The following TPCN2 variants were observed in gnomAD, a reference collection of about 807,000 sequenced individuals.
TPCN2 encodes two pore channel protein 2.
Under a neutral mutation model 111.4 loss-of-function variants are expected in TPCN2, and 92 were observed. The ratio of observed to expected loss-of-function variants is 0.83; its 90% CI spans 0.70 to 0.98. The LOEUF is 0.98. Ranked by LOEUF, TPCN2 falls within the 50% of genes least tolerant of loss-of-function variation. The probability of loss-of-function intolerance (pLI) is 0.00; values close to 1 mark genes in which losing one functional copy is unlikely to be tolerated. For missense variants in TPCN2, 995 were observed against 980.1 expected, an observed-to-expected ratio of 1.02 and a Z score of -0.20; for synonymous variants, 405 against 414.5, an observed-to-expected ratio of 0.98 and a Z score of 0.28.
intron 2 of TPCN2, 114 bp from the exon 3 acceptor site, chr11:69,054,607 C>A (rs893648266): frequency 1.6e-4 from 154 of 982,294 alleles, no homozygotes; most frequent in Non-Finnish European, 1.4e-4. Context: ...GCTGAAGCGT[C>A]CCCTGTGATC....
At chr11:69,086,424 C>A in intron 22 of TPCN2, 99 bp from the exon 23 acceptor site, 1 of 975,932 alleles carries the variant, frequency 1.0e-6, no homozygotes, top group Non-Finnish European at 1.7e-6. Context: ...TGTGGGCCGG[C>A]TGCCCGAGAG....
chr11:69,072,265 C>T (rs1855570597), intron 11 of TPCN2, among the ~76,000 whole-genome samples: 1 of 152,210 alleles, frequency 6.6e-6, no homozygotes, highest in African/African-American at 2.4e-5. Flanking sequence ...GCCGAGTGGC[C>T]CGGCCTTCTT....
intron 24 of TPCN2, 26 bp from the exon 25 acceptor site, chr11:69,087,849 G>GGGGCC (rs764114264): frequency 6.3e-7 from 1 of 1,599,500 alleles, no homozygotes; most frequent in South Asian, 1.1e-5. Context: ...AGAGGCCCCT[G>GGGGCC]TGTGCATCTT....
chr11:69,082,639 T>C (rs112693588), intron 18 of TPCN2, among the ~76,000 whole-genome samples: 1 of 147,538 alleles, frequency 6.8e-6, no homozygotes, highest in African/African-American at 2.5e-5. Flanking sequence ...TGATCGTGTG[T>C]GCACACATCG....
intron 16 of TPCN2, 22 bp from the exon 17 acceptor site, chr11:69,079,812 T>G: frequency 6.2e-7 from 1 of 1,612,726 alleles, no homozygotes; most frequent in Non-Finnish European, 8.5e-7. Flanking sequence ...TAGCGAAGCC[T>G]TCTTTTCTTT....
chr11:69,078,841 G>C (rs1225040430), intron 15 of TPCN2, 48 bp downstream of exon 15: 14 of 1,614,100 alleles, frequency 8.7e-6, no homozygotes, highest in Non-Finnish European at 9.3e-6. Flanking sequence ...AGGCTGGGCA[G>C]TGCTGGCAGC....
rs1329140838 is a variant in TPCN2, at chr11:69,085,757, G to C, written c.1920+5G>C. The C allele has an allele frequency of 7.4e-6, 12 of 1,613,900 alleles. No homozygotes were observed. Among genetic ancestry groups the C allele is most frequent in the African/African-American group, 1.3e-5 (1 of 74,926 alleles). On this transcript the variant is annotated splice_donor_5th_base_variant and intron_variant, in intron 21 of 24. Transcript: ENST00000294309. ...AACAACTTCGATGACTTTGCGGTGAGCCCTGCGCCCTGTCCCAGCACCCTG... is the reference window on the plus strand; with the variant it reads ...AACAACTTCGATGACTTTGCGGTGACCCCTGCGCCCTGTCCCAGCACCCTG...
In TPCN2 at chr11:69,089,804, G is replaced by A. The variant is rs1006024418; in HGVS notation, c.*1851G>A. 3 of 152,268 alleles carry A rather than the reference G, an allele frequency of 2.0e-5. No individual in the cohort carries two copies. The highest frequency in any genetic ancestry group is 4.4e-5 in the Non-Finnish European group (3 of 68,098). 9.4% of individuals were successfully genotyped at this position (152,268 alleles called of 1,614,324 possible). A position where few individuals can be genotyped will look rare whatever the true frequency, so the allele number is the denominator to read the frequency against. ...TTTCCTTCCTTCCTTGCTCCCACCTGTGTGGATCCTGGTCCCTTCTTGTAT... is the reference window on the plus strand; with the variant it reads ...TTTCCTTCCTTCCTTGCTCCCACCTATGTGGATCCTGGTCCCTTCTTGTAT... On this transcript the variant is annotated 3_prime_UTR_variant, in exon 25 of 25. Coordinates refer to ENST00000294309, the MANE Select transcript of TPCN2 (RefSeq NM_139075.4).
intron 9 of TPCN2, 78 bp downstream of exon 9, chr11:69,070,573 C>T (rs1265845217): frequency 1.4e-5 from 15 of 1,070,992 alleles, no homozygotes; most frequent in African/African-American, 9.7e-5. Context: ...GCTGCCTCCA[C>T]GACCTGAAAC....
chr11:69,054,126 G>C lies in TPCN2; in HGVS notation c.174+29G>C, dbSNP rs756465050. On this transcript the variant is annotated intron_variant, in intron 2 of 24. Transcript: ENST00000294309. ...GGTGGCACCTGCTCCCTGTGGCCGG[G>C]CCTGGGGGGTGGCCGCCCTCCGATT... 34 of 1,601,258 alleles carry C rather than the reference G, an allele frequency of 2.1e-5. No individual in the cohort carries two copies. In the Admixed American group the frequency reaches 4.8e-4, roughly 23 times the overall value.
intron 18 of TPCN2, among the ~76,000 whole-genome samples, chr11:69,082,360 A>G (rs561037719): frequency 3.3e-4 from 51 of 152,386 alleles, no homozygotes; most frequent in African/African-American, 1.2e-3. Context: ...ATGATCATAC[A>G]CAGTCACACA....
intron 11 of TPCN2, 83 bp downstream of exon 11, chr11:69,072,106 T>G (rs1450570351): frequency 8.3e-7 from 1 of 1,206,742 alleles, no homozygotes; most frequent in Non-Finnish European, 1.2e-6. Flanking sequence ...ATTAGGGGCT[T>G]CTTGTGCTTG....
In TPCN2 at chr11:69,060,529, T is replaced by A. The variant is rs1854974331; in HGVS notation, c.547-2355T>A. Among the ~76,000 whole-genome samples the A allele has an allele frequency of 2.0e-5, 3 of 152,198 alleles. No homozygotes were observed. In the South Asian group the frequency reaches 6.2e-4, roughly 31 times the overall value. On this transcript the variant is annotated intron_variant, in intron 5 of 24. Transcript: ENST00000294309. Reference sequence around the variant, plus strand: ...TGTCTTTGCCAGGGCTGTTTGGACGTGGTTTTTCCTCAAGGCCTTGGGTCT... The same window carrying A: ...TGTCTTTGCCAGGGCTGTTTGGACGAGGTTTTTCCTCAAGGCCTTGGGTCT...
In TPCN2 at chr11:69,090,511, C is replaced by A. The variant is rs528019273; in HGVS notation, c.*2558C>A. The stretch of plus-strand genomic sequence containing the variant: ...CAAATGGAAGTTGTCACTGTCAGGG[C>A]CTTTACAATCAGCAACAGCAAAATC... On this transcript the variant is annotated 3_prime_UTR_variant, in exon 25 of 25. Coordinates refer to ENST00000294309, the MANE Select transcript of TPCN2 (RefSeq NM_139075.4). 21 of 152,306 alleles carry A rather than the reference C, an allele frequency of 1.4e-4. No homozygotes were observed. Among genetic ancestry groups the A allele is most frequent in the Middle Eastern group, 3.4e-3 (1 of 294 alleles). 9.4% of individuals were successfully genotyped at this position (152,306 alleles called of 1,614,324 possible).
intron 19 of TPCN2, chr11:69,084,555 G>C: frequency 1.0e-6 from 1 of 984,930 alleles, no homozygotes; most frequent in Non-Finnish European, 1.2e-6. Flanking sequence ...GCTTGGGCAG[G>C]AGAGGGGCCT....
intron 7 of TPCN2, among the ~76,000 whole-genome samples, chr11:69,066,045 C>T (rs1194156550): frequency 1.3e-5 from 2 of 152,234 alleles, no homozygotes; most frequent in East Asian, 3.9e-4. Context: ...GGCAGGGCCA[C>T]CTGCCTTAGG....
intron 18 of TPCN2, among the ~76,000 whole-genome samples, chr11:69,082,361 C>G (rs1468362641): frequency 6.6e-6 from 1 of 152,280 alleles, no homozygotes; most frequent in Non-Finnish European, 1.5e-5. Context: ...TGATCATACA[C>G]AGTCACACAT....
rs558916969 is a variant in TPCN2 at position 69,054,037 on chromosome 11, C to T, written c.114C>T (p.Ala38=). The change falls in exon 2 of 25, where the codon GCC becomes GCT. Residue 38 remains alanine (A), a synonymous_variant. Coordinates refer to ENST00000294309, the MANE Select transcript of TPCN2 (RefSeq NM_139075.4). Reference sequence around the variant, plus strand: ...ATGTGTCCCCTCTGCCTGCAGGTGCCGCGGCCAGGTGGGACCTCTGCATTG... The same window carrying T: ...ATGTGTCCCCTCTGCCTGCAGGTGCTGCGGCCAGGTGGGACCTCTGCATTG... ...TYRSIQVGPG[A]AARWDLCIDQ... The T allele has an allele frequency of 8.7e-6, 14 of 1,613,792 alleles. No individual in the cohort carries two copies. The highest frequency in any genetic ancestry group is 5.3e-5 in the African/African-American group (4 of 75,048).
intron 7 of TPCN2, 117 bp downstream of exon 7, chr11:69,064,084 A>G (rs1329269089): frequency 3.0e-6 from 3 of 987,864 alleles, no homozygotes; most frequent in Middle Eastern, 2.1e-4. Flanking sequence ...CTGTCCAGTA[A>G]TAGCAGTGGC....
Sources: gnomAD v4.1 joint callset for allele counts (sites outside exome capture counted in the v4.1 genomes callset) on GRCh38, gnomAD v4.1.1 for gene constraint, MANE v1.5 for transcripts, NCBI Gene and HGNC (gene_info 2026-07-23, HGNC 2026-07-21) for gene names.